PRKDC: variants seen among roughly 807,000 people sequenced by gnomAD.
The protein encoded by PRKDC is DNA-dependent protein kinase catalytic subunit.
In PRKDC, 82 loss-of-function variants were observed where a neutral mutation model predicts 486.9. That is an observed-to-expected ratio of 0.17 (90% CI 0.14 to 0.20). The LOEUF is 0.20. Among genes scored for constraint, PRKDC ranks in the 10% least tolerant of loss-of-function variants. The probability of loss-of-function intolerance (pLI) is 1.00; values close to 1 mark genes in which losing one functional copy is unlikely to be tolerated. For synonymous variants in PRKDC, 1,895 were observed against 1,837.0 expected, an observed-to-expected ratio of 1.03 and a Z score of -0.81; for missense variants, 4,504 against 5,038.2, an observed-to-expected ratio of 0.89 and a Z score of 3.21.
rs2086722680 is a variant in PRKDC, at chr8:47,782,941, T to C, written c.11176-343A>G. The C allele has an allele frequency of 3.4e-6, 1 of 295,992 alleles. No homozygotes were observed. Among genetic ancestry groups the C allele is most frequent in the Admixed American group, 4.5e-5 (1 of 22,064 alleles). The allele number at this position is 295,992 out of a possible 1,614,324, so 18.3% of individuals were successfully genotyped here. A position where few individuals can be genotyped will look rare whatever the true frequency, so the allele number is the denominator to read the frequency against. On this transcript the variant is annotated intron_variant, in intron 78 of 85. Transcript: ENST00000314191. This position sits in a 1 kb window ranked among gnomAD's most constrained non-coding sequence, Gnocchi z 4.9. ...CAGCTTACTCTTTGAGTTTATGATA[T>C]CTTAAATAGAACTGTTGTTCAAACA...
chr8:47,840,312 T>C (rs1013269556), intron 54 of PRKDC, 123 bp from the exon 55 acceptor site: 39 of 672,736 alleles, frequency 5.8e-5, no homozygotes, highest in Non-Finnish European at 8.7e-5. Context: ...GCTACACTTA[T>C]ATAAAACTTA....
intron 41 of PRKDC, among the ~76,000 whole-genome samples, chr8:47,864,309 C>T (rs967457427): frequency 1.3e-5 from 2 of 152,174 alleles, no homozygotes; most frequent in Non-Finnish European, 2.9e-5. Flanking sequence ...CCTGACAACA[C>T]TGTGATGTCA....
chr8:47,902,548 T>C, intron 27 of PRKDC, 21 bp downstream of exon 27: 1 of 1,471,454 alleles, frequency 6.8e-7, no homozygotes, highest in Non-Finnish European at 9.0e-7. Flanking sequence ...GTTTCTCTTC[T>C]CTGTTGTGTA....
intron 71 of PRKDC, among the ~76,000 whole-genome samples, chr8:47,799,802 G>A (rs1310249449): frequency 6.6e-6 from 1 of 152,100 alleles, no homozygotes; most frequent in Admixed American, 6.6e-5. Flanking sequence ...TGAATGAGAC[G>A]GAAGCAGGTA....
intron 69 of PRKDC, 103 bp downstream of exon 69, chr8:47,807,034 C>T (rs538202672): frequency 8.6e-7 from 1 of 1,164,562 alleles, no homozygotes; most frequent in East Asian, 2.7e-5. Context: ...TAACACCTAC[C>T]AATTATTTTA....
At chr8:47,820,678 C>CTA (rs776703320) in intron 66 of PRKDC, 41 bp downstream of exon 66, 27 of 920,606 alleles carry the variant, frequency 2.9e-5, no homozygotes, top group South Asian at 2.4e-4. Context: ...TATATATACA[C>CTA]TATATATATA....
intron 83 of PRKDC, 105 bp downstream of exon 83, chr8:47,778,350 TCTAA>T: frequency 1.7e-6 from 2 of 1,198,776 alleles, no homozygotes; most frequent in Non-Finnish European, 2.3e-6. Flanking sequence ...ACAAAACGAA[TCTAA>T]CTAATATGTT....
At chr8:47,834,096 G>T in intron 59 of PRKDC, 100 bp downstream of exon 59, 1 of 1,434,156 alleles carries the variant, frequency 7.0e-7, no homozygotes, top group South Asian at 1.2e-5. Context: ...GATTACGAAT[G>T]AGAAGGAAAC....
intron 71 of PRKDC, among the ~76,000 whole-genome samples, chr8:47,799,642 A>G (rs1459268739): frequency 6.6e-6 from 1 of 152,184 alleles, no homozygotes; most frequent in Admixed American, 6.5e-5. Flanking sequence ...CAAGCAACAC[A>G]GAGCTGGGTC....
intron 12 of PRKDC, among the ~76,000 whole-genome samples, 200 bp from the exon 13 acceptor site, chr8:47,936,100 G>C (rs1055932894): frequency 2.6e-5 from 4 of 151,812 alleles, no homozygotes; most frequent in Non-Finnish European, 5.9e-5. Flanking sequence ...AAATTGTCTT[G>C]AGGTGCAATT....
At chr8:47,941,013 C>T (rs2090434746) in intron 10 of PRKDC, among the ~76,000 whole-genome samples, 1 of 151,766 alleles carries the variant, frequency 6.6e-6, no homozygotes, top group Non-Finnish European at 1.5e-5. Context: ...GCCTATAATC[C>T]CAACTATTTG....
intron 7 of PRKDC, among the ~76,000 whole-genome samples, chr8:47,949,169 C>G (rs1023492686): frequency 6.6e-6 from 1 of 152,194 alleles, no homozygotes; most frequent in Admixed American, 6.5e-5. Flanking sequence ...CCCTCTTCCA[C>G]ATTTAAGGAC....
intron 58 of PRKDC, among the ~76,000 whole-genome samples, chr8:47,835,213 A>C (rs888861602): frequency 5.9e-5 from 9 of 152,100 alleles, no homozygotes; most frequent in African/African-American, 2.2e-4. Flanking sequence ...AAATCTAGTA[A>C]ATGAATTTGG....
intron 50 of PRKDC, 104 bp downstream of exon 50, chr8:47,855,115 TTCC>T (rs1563768632): frequency 5.2e-6 from 6 of 1,147,140 alleles, no homozygotes; most frequent in Non-Finnish European, 7.2e-6. Flanking sequence ...AATTATTTTC[TTCC>T]TCCTATCATT....
intron 68 of PRKDC, 107 bp downstream of exon 68, chr8:47,817,343 G>A (rs919220177): frequency 6.4e-6 from 5 of 780,136 alleles, no homozygotes; most frequent in Admixed American, 2.4e-5. Flanking sequence ...GAAAACAGCT[G>A]TGCTAGGCTC....
chr8:47,917,968 C>T (rs1247161926), intron 22 of PRKDC, among the ~76,000 whole-genome samples: 1 of 152,132 alleles, frequency 6.6e-6, no homozygotes, highest in Non-Finnish European at 1.5e-5. Context: ...CCTCAGCCTC[C>T]CAAGTAGCTG....
chr8:47,835,659 A>G (rs1396033305), intron 58 of PRKDC, among the ~76,000 whole-genome samples: 1 of 148,928 alleles, frequency 6.7e-6, no homozygotes, highest in Non-Finnish European at 1.5e-5. Context: ...AGGAAAATAT[A>G]CATAAAATTT....
intron 68 of PRKDC, among the ~76,000 whole-genome samples, chr8:47,809,199 T>TCTTTTTC (rs1316826150): frequency 6.6e-6 from 1 of 151,898 alleles, no homozygotes; most frequent in Non-Finnish European, 1.5e-5. Context: ...GCTTCACATC[T>TCTTTTTC]CTTTTTCCTT....
intron 40 of PRKDC, among the ~76,000 whole-genome samples, chr8:47,866,044 T>C (rs1036111658): frequency 2.0e-5 from 3 of 150,652 alleles, no homozygotes; most frequent in Non-Finnish European, 4.4e-5. Context: ...TAAACCCAGC[T>C]ACTCAGGAGG....
Sources: gnomAD v4.1 joint callset for allele counts (sites outside exome capture counted in the v4.1 genomes callset) on GRCh38, gnomAD v4.1.1 for gene constraint, Gnocchi (gnomAD v3.1) non-coding constraint, MANE v1.5 for transcripts, NCBI Gene and HGNC (gene_info 2026-07-23, HGNC 2026-07-21) for gene names.